Variants in MGST1 observed in about 807,000 individuals in gnomAD.
MGST1 encodes microsomal glutathione S-transferase 1.
A neutral mutation model predicts 8.9 loss-of-function variants in MGST1; 5 were observed. That is an observed-to-expected ratio of 0.56 (90% CI 0.29 to 1.19). The LOEUF (loss-of-function observed/expected upper bound fraction) is 1.19, where lower values mean the gene tolerates loss of function less well. Among genes scored for constraint, MGST1 ranks in the 50% most tolerant of loss-of-function variants. The pLI, the probability that MGST1 is intolerant of heterozygous loss-of-function variation, is 0.08. For missense variants in MGST1, 182 were observed against 187.4 expected, an observed-to-expected ratio of 0.97 and a Z score of 0.17; for synonymous variants, 54 against 67.8, an observed-to-expected ratio of 0.80 and a Z score of 1.00.
At chr12:16,426,474 TTTGA>T (rs1238531557) in intron 1 of MGST1, among the ~76,000 whole-genome samples, 22 of 152,326 alleles carry the variant, frequency 1.4e-4, no homozygotes, top group African/African-American at 5.1e-4. Context: ...ACCAAATAAG[TTTGA>T]TTATTATTTA....
At position 16,535,748 on chromosome 12, in the gene MGST1, CA is replaced by C. The variant is rs1249605795; in HGVS notation, n.483-53775del. On this transcript the variant is annotated intron_variant and non_coding_transcript_variant, in intron 4 of 4. Coordinates refer to the MGST1 transcript ENST00000538857. ...CCAGGCAGGCTACTCTGCCCACAAC[CA>C]AAAATATGTGTCAAAAGCATCAAAA... Among the ~76,000 whole-genome samples, 5 of 152,204 alleles carry C rather than the reference CA, an allele frequency of 3.3e-5. No individual in the cohort carries two copies. In the South Asian group the frequency reaches 1.0e-3, roughly 32 times the overall value.
intron 4 of MGST1, among the ~76,000 whole-genome samples, chr12:16,485,516 C>T (rs992824232): frequency 3.9e-5 from 6 of 151,984 alleles, no homozygotes; most frequent in African/African-American, 7.2e-5. Flanking sequence ...ATTACTTTAC[C>T]GAATTTGAGG....
At position 16,458,944 on chromosome 12, in the gene MGST1, T is replaced by C. The variant is rs1316779966; in HGVS notation, n.482+75340T>C. 6.6e-6 allele frequency among the ~76,000 whole-genome samples: 1 copy of C among 151,970 alleles called. No homozygotes were observed. Among genetic ancestry groups the C allele is most frequent in the Non-Finnish European group, 1.5e-5 (1 of 67,958 alleles). On this transcript the variant is annotated intron_variant and non_coding_transcript_variant, in intron 4 of 4. Transcript: ENST00000538857. The surrounding 1 kb of genome is among the most constrained non-coding windows in gnomAD (Gnocchi z 4.0). ...GGAATTCTTACAGAAATCTAAGTAG[T>C]TCCAAGCTATCTGAGGCAGAATTTC...
chr12:16,574,478 A>G lies in MGST1; in HGVS notation n.483-15050A>G, dbSNP rs1031423274. Among the ~76,000 whole-genome samples the G allele has an allele frequency of 8.3e-4, 126 of 152,294 alleles. 2 individuals are homozygous for G. The highest frequency in any genetic ancestry group is 6.2e-4 in the South Asian group (3 of 4,826). ...ATAGATATTCCCAACAGCCCAGACTAGCAGGCTGATATTACTTGGTATTTT... is the reference window on the plus strand; with the variant it reads ...ATAGATATTCCCAACAGCCCAGACTGGCAGGCTGATATTACTTGGTATTTT... On this transcript the variant is annotated intron_variant and non_coding_transcript_variant, in intron 4 of 4. Coordinates refer to the MGST1 transcript ENST00000538857.
intron 3 of MGST1, among the ~76,000 whole-genome samples, chr12:16,374,555 A>T (rs1940350354): frequency 6.6e-6 from 1 of 152,148 alleles, no homozygotes; most frequent in African/African-American, 2.4e-5. Flanking sequence ...TATATTTTAA[A>T]ATATGAAGAA....
chr12:16,453,695 A>C (rs760504957), intron 4 of MGST1, among the ~76,000 whole-genome samples: 16 of 151,896 alleles, frequency 1.1e-4, no homozygotes, highest in Non-Finnish European at 2.2e-4. Context: ...TTCCATGCCT[A>C]TCCCCTGGCT....
intron 1 of MGST1, among the ~76,000 whole-genome samples, chr12:16,418,586 T>C (rs1281350883): frequency 6.6e-6 from 1 of 152,244 alleles, no homozygotes; most frequent in East Asian, 1.9e-4. Flanking sequence ...CTAATACTCT[T>C]AGTTTTCCGA....
At chr12:16,493,504 C>T (rs186953771) in intron 4 of MGST1, among the ~76,000 whole-genome samples, 203 of 152,166 alleles carry the variant, frequency 1.3e-3, no homozygotes, top group Middle Eastern at 3.4e-3. Flanking sequence ...TGGAAAACAC[C>T]GGTTTAAGTT....
In MGST1 at chr12:16,587,301, C is replaced by T. The variant is rs967072924; in HGVS notation, n.483-2227C>T. Among the ~76,000 whole-genome samples the T allele has an allele frequency of 3.9e-5, 6 of 152,276 alleles. No individual in the cohort carries two copies. The highest frequency in any genetic ancestry group is 2.1e-4 in the South Asian group (1 of 4,826). ...AGGATCCAATGCTAACAATTTGTTA[C>T]GCACTGCAGTGTTACAGCTTTCTAA... On this transcript the variant is annotated intron_variant and non_coding_transcript_variant, in intron 4 of 4. Coordinates refer to the MGST1 transcript ENST00000538857. The surrounding 1 kb of genome is among the most constrained non-coding windows in gnomAD (Gnocchi z 4.3).
At chr12:16,390,063 T>C (rs1940536711) in intron 1 of MGST1, among the ~76,000 whole-genome samples, 1 of 152,160 alleles carries the variant, frequency 6.6e-6, no homozygotes, top group African/African-American at 2.4e-5. Context: ...AGGGAGGCCC[T>C]AAATACATCT....
chr12:16,528,467 A>G (rs887292145), intron 4 of MGST1, among the ~76,000 whole-genome samples: 10 of 152,020 alleles, frequency 6.6e-5, no homozygotes, highest in Non-Finnish European at 1.0e-4. Context: ...GAAATATCCA[A>G]TATTTATGAA....
intron 4 of MGST1, among the ~76,000 whole-genome samples, chr12:16,542,990 C>G (rs568003220): frequency 2.0e-5 from 3 of 152,278 alleles, no homozygotes; most frequent in East Asian, 3.9e-4. Context: ...TGTGCCCAGA[C>G]AGAATAAATC....
At position 16,419,117 on chromosome 12, in the gene MGST1, A is replaced by G. The variant is rs138130949; in HGVS notation, n.779-18271A>G. 4.6e-5 allele frequency among the ~76,000 whole-genome samples: 7 copies of G among 152,220 alleles called. No homozygotes were observed. The East Asian group carries it at 1.4e-3, about 29-fold the overall frequency. On this transcript the variant is annotated intron_variant and non_coding_transcript_variant, in intron 1 of 1. Transcript: ENST00000359720. ...TCTTCAAGATCCTACCACTCATTTG[A>G]TTGTGGTCAGGTCATCACCAATCTT...
At chr12:16,370,937 A>G (rs1038085656) in intron 3 of MGST1, among the ~76,000 whole-genome samples, 2 of 152,276 alleles carry the variant, frequency 1.3e-5, no homozygotes, top group Middle Eastern at 3.4e-3. Context: ...GTTAAATAGC[A>G]TTTTGTGGGT....
intron 1 of MGST1, among the ~76,000 whole-genome samples, chr12:16,425,278 T>G (rs1292769307): frequency 6.6e-6 from 1 of 152,080 alleles, no homozygotes; most frequent in African/African-American, 2.4e-5. Context: ...ACTAGTGGGT[T>G]TTTTATTATG....
At chr12:16,578,635 T>C (rs564761582) in intron 4 of MGST1, among the ~76,000 whole-genome samples, 1 of 152,096 alleles carries the variant, frequency 6.6e-6, no homozygotes, top group Non-Finnish European at 1.5e-5. Flanking sequence ...TTGGCCAACA[T>C]GGTGAAGCCC....
intron 1 of MGST1, among the ~76,000 whole-genome samples, chr12:16,384,431 G>A (rs752377657): frequency 2.0e-5 from 3 of 152,256 alleles, no homozygotes; most frequent in Non-Finnish European, 4.4e-5. Flanking sequence ...AGAAGTCCAC[G>A]TGAGGACAGA....
chr12:16,412,826 A>T (rs10772933), intron 1 of MGST1, among the ~76,000 whole-genome samples: 3 of 152,026 alleles, frequency 2.0e-5, no homozygotes, highest in African/African-American at 4.8e-5. Context: ...TAGATTACCC[A>T]GTCTCAAGTA....
Position 16,576,292 on chromosome 12 carries a change from T to G in MGST1, n.483-13236T>G, listed in dbSNP as rs1350200075. ...CATGAAAGGTCCATCCTGTCTGTCT[T>G]CTTTTCTGTCTTCTATCCCATCACT... is the stretch of plus-strand genomic sequence containing the variant. On this transcript the variant is annotated intron_variant and non_coding_transcript_variant, in intron 4 of 4. Coordinates refer to the MGST1 transcript ENST00000538857. The surrounding 1 kb of genome is among the most constrained non-coding windows in gnomAD (Gnocchi z 4.1). Among the ~76,000 whole-genome samples the G allele has an allele frequency of 3.3e-5, 5 of 152,126 alleles. No individual in the cohort carries two copies. The South Asian group carries it at 6.2e-4, about 19-fold the overall frequency.
Sources: allele counts gnomAD v4.1 joint callset (sites outside exome capture counted in the v4.1 genomes callset), GRCh38; gene constraint gnomAD v4.1.1; non-coding constraint Gnocchi (gnomAD v3.1); transcripts MANE v1.5; gene names NCBI Gene and HGNC (gene_info 2026-07-23, HGNC 2026-07-21).